Variants in SLC4A10 observed in about 807,000 individuals in gnomAD.
The protein encoded by SLC4A10 is sodium-driven chloride bicarbonate exchanger.
Under a neutral mutation model 137.7 loss-of-function variants are expected in SLC4A10, and 42 were observed. The ratio of observed to expected loss-of-function variants is 0.30; its 90% CI spans 0.24 to 0.39. SLC4A10 has a LOEUF of 0.39. Among genes scored for constraint, SLC4A10 ranks in the 10% least tolerant of loss-of-function variants. SLC4A10 has a pLI of 1.00. For synonymous variants in SLC4A10, 474 were observed against 464.1 expected (o/e 1.02, Z -0.27); for missense variants, 925 against 1,355.0 (o/e 0.68, Z 4.98).
At chr2:161,868,529 T>C (rs767891041) in intron 6 of SLC4A10, among the ~76,000 whole-genome samples, 18 of 151,608 alleles carry the variant, frequency 1.2e-4, no homozygotes, top group Admixed American at 1.1e-3. Context: ...ATCTGACACA[T>C]ATGATCCCTA....
At chr2:161,755,771 A>ATTT (rs368478470) in intron 1 of SLC4A10, among the ~76,000 whole-genome samples, 1 of 140,384 alleles carries the variant, frequency 7.1e-6, no homozygotes. Context: ...CGTTCCTTAA[A>ATTT]TTTTTTTTTT....
At chr2:161,942,072 CTA>C (rs879268784) in intron 15 of SLC4A10, among the ~76,000 whole-genome samples, 31 of 152,102 alleles carry the variant, frequency 2.0e-4, no homozygotes, top group Non-Finnish European at 3.8e-4. Context: ...CAAGTAGAAA[CTA>C]TACGATATTT....
chr2:161,652,235 C>G (rs1331028501), intron 1 of SLC4A10, among the ~76,000 whole-genome samples: 1 of 152,156 alleles, frequency 6.6e-6, no homozygotes, highest in Admixed American at 6.5e-5. Context: ...GAAAATTTAT[C>G]CCTTATCTTC....
At chr2:161,905,273 C>T (rs571951548) in intron 14 of SLC4A10, among the ~76,000 whole-genome samples, 73 of 152,254 alleles carry the variant, frequency 4.8e-4, no homozygotes, top group African/African-American at 1.7e-3. Flanking sequence ...TGAAACTGTT[C>T]ACCTCAGATC....
At chr2:161,891,210 T>C (rs914937746) in intron 10 of SLC4A10, among the ~76,000 whole-genome samples, 26 of 152,194 alleles carry the variant, frequency 1.7e-4, no homozygotes, top group African/African-American at 6.3e-4. Flanking sequence ...CGACCTTTCT[T>C]TCTGGCTGCC....
intron 1 of SLC4A10, among the ~76,000 whole-genome samples, chr2:161,651,892 T>A (rs1440172656): frequency 1.3e-5 from 2 of 152,312 alleles, no homozygotes; most frequent in Admixed American, 6.5e-5. Flanking sequence ...GTGGGCAGAA[T>A]GATCCCAGTG....
At chr2:161,861,861 C>T (rs565698333) in intron 5 of SLC4A10, among the ~76,000 whole-genome samples, 1 of 152,248 alleles carries the variant, frequency 6.6e-6, no homozygotes, top group African/African-American at 2.4e-5. Context: ...AATCTGTCTC[C>T]TAGTTCATTT....
chr2:161,664,829 A>G (rs770932611), intron 1 of SLC4A10, among the ~76,000 whole-genome samples: 1 of 151,656 alleles, frequency 6.6e-6, no homozygotes. Flanking sequence ...TTAATTTCAT[A>G]TACCTTATTT....
In SLC4A10 at chr2:161,804,569, A is replaced by G. The variant is rs1227805051; in HGVS notation, c.251A>G (p.Glu84Gly). The change falls in exon 3 of 27, where the codon GAG (glutamate) becomes GGG (glycine). Residue 84 changes from glutamate (E) to glycine (G), a missense_variant. Glu to Gly is a moderately conservative substitution (Grantham distance 98). Transcript: ENST00000446997. ...GACAGAGAAAGAGATTCAGGATTAG[A>G]GGATGGAAGGGAGTCACCTTCTTTT... ...KRDRERDSGL[E>G]DGRESPSFDT... 6 of 1,612,002 alleles carry G rather than the reference A, an allele frequency of 3.7e-6. No homozygotes were observed. The highest frequency in any genetic ancestry group is 5.1e-6 in the Non-Finnish European group (6 of 1,178,984).
chr2:161,859,594 CTTTTTTTTT>C (rs72003642), intron 5 of SLC4A10, among the ~76,000 whole-genome samples: 4 of 47,286 alleles, frequency 8.5e-5, no homozygotes, highest in South Asian at 9.7e-4. Flanking sequence ...CTTTTCTTTT[CTTTTTTTTT>C]TTTTTTTTTT....
chr2:161,965,256 T>A, intron 23 of SLC4A10, 83 bp downstream of exon 23: 1 of 1,416,044 alleles, frequency 7.1e-7, no homozygotes, highest in Non-Finnish European at 9.5e-7. Context: ...ATTGTTTTTA[T>A]CTTTAGACAG....
chr2:161,753,129 A>T (rs2049173544), intron 1 of SLC4A10, among the ~76,000 whole-genome samples: 2 of 152,182 alleles, frequency 1.3e-5, no homozygotes, highest in African/African-American at 4.8e-5. Flanking sequence ...GCATTAAATT[A>T]TAAAACAATT....
At chr2:161,826,622 A>G (rs1031590663) in intron 3 of SLC4A10, among the ~76,000 whole-genome samples, 11 of 152,218 alleles carry the variant, frequency 7.2e-5, no homozygotes, top group African/African-American at 2.7e-4. Context: ...AAGGCAATAT[A>G]AGTAATATAG....
intron 15 of SLC4A10, among the ~76,000 whole-genome samples, chr2:161,938,434 T>C (rs941946308): frequency 1.3e-5 from 2 of 151,956 alleles, no homozygotes; most frequent in Non-Finnish European, 2.9e-5. Flanking sequence ...TGAGGATTCA[T>C]TACATGCAAA....
chr2:161,709,144 A>G (rs1402000822), intron 1 of SLC4A10, among the ~76,000 whole-genome samples: 1 of 151,486 alleles, frequency 6.6e-6, no homozygotes, highest in African/African-American at 2.4e-5. Flanking sequence ...TTCCAGATTA[A>G]GCCTGAATAG....
intron 1 of SLC4A10, among the ~76,000 whole-genome samples, chr2:161,649,813 A>C (rs528463328): frequency 1.3e-5 from 2 of 149,492 alleles, no homozygotes; most frequent in East Asian, 3.9e-4. Flanking sequence ...TTTTTTTTGT[A>C]GTGCTTTAAG....
At chr2:161,919,943 C>A (rs576068737) in intron 15 of SLC4A10, among the ~76,000 whole-genome samples, 14 of 152,212 alleles carry the variant, frequency 9.2e-5, no homozygotes, top group Non-Finnish European at 1.8e-4. Context: ...GGTGCCACCA[C>A]GTTCCCCAGA....
chr2:161,647,431 T>C (rs995349150), intron 1 of SLC4A10, among the ~76,000 whole-genome samples: 2 of 152,104 alleles, frequency 1.3e-5, no homozygotes, highest in Non-Finnish European at 2.9e-5. Context: ...TGCATGCAAC[T>C]ATAATGATAA....
chr2:161,651,929 C>T (rs187735665), intron 1 of SLC4A10, among the ~76,000 whole-genome samples: 20 of 152,294 alleles, frequency 1.3e-4, no homozygotes, highest in Middle Eastern at 3.4e-3. Context: ...AGGCAGAAGG[C>T]GCCGCTGGCC....
Sources: allele counts gnomAD v4.1 joint callset (sites outside exome capture counted in the v4.1 genomes callset), GRCh38; gene constraint gnomAD v4.1.1; transcripts MANE v1.5; gene names NCBI Gene and HGNC (gene_info 2026-07-23, HGNC 2026-07-21).